RBPMS: variants seen among roughly 807,000 people sequenced by gnomAD.
RBPMS encodes the protein RNA-binding protein with multiple splicing.
RBPMS carries 7 observed loss-of-function variants against 26.8 expected under a neutral mutation model. The ratio of observed to expected loss-of-function variants is 0.26; its 90% CI spans 0.15 to 0.49. The LOEUF (loss-of-function observed/expected upper bound fraction) is 0.49. Ranked by LOEUF, RBPMS falls within the 20% of genes least tolerant of loss-of-function variation. The pLI is 0.98. For synonymous variants in RBPMS, 96 were observed against 93.3 expected (o/e 1.03, Z -0.17); for missense variants, 186 against 250.0 (o/e 0.74, Z 1.73).
At chr8:30,550,632 G>A (rs1014712612) in intron 6 of RBPMS, among the ~76,000 whole-genome samples, 1 of 152,160 alleles carries the variant, frequency 6.6e-6, no homozygotes, top group African/African-American at 2.4e-5. Flanking sequence ...ATGAATGACG[G>A]GAGTAAGATG....
intron 2 of RBPMS, among the ~76,000 whole-genome samples, chr8:30,476,250 T>C (rs2150833466): frequency 6.6e-6 from 1 of 152,268 alleles, no homozygotes; most frequent in South Asian, 2.1e-4. Flanking sequence ...ACATAAAAAT[T>C]GGCAGAGCCA....
In RBPMS at chr8:30,478,328, A is replaced by G. The variant is rs185308717; in HGVS notation, c.183+491A>G. 1.3e-3 allele frequency among the ~76,000 whole-genome samples: 203 copies of G among 152,086 alleles called. 2 individuals carry two copies. The highest frequency in any genetic ancestry group is 0.012 in the South Asian group (59 of 4,812). On this transcript the variant is annotated intron_variant, in intron 3 of 8. Coordinates refer to ENST00000397323, the MANE Select transcript of RBPMS (RefSeq NM_001008710.3). ...CTACAAGCTTAGAGATTGTAGCTAT[A>G]TACTTTTTTTTTTAAGCTAAACACT...
intron 1 of RBPMS, among the ~76,000 whole-genome samples, chr8:30,469,202 T>C (rs1323468718): frequency 6.6e-6 from 1 of 152,258 alleles, no homozygotes; most frequent in African/African-American, 2.4e-5. Context: ...AGATTAGATA[T>C]GCTCTTTATT....
Position 30,527,331 on chromosome 8 carries a change from C to T in RBPMS, c.398-17163C>T, listed in dbSNP as rs574930398. On this transcript the variant is annotated intron_variant, in intron 5 of 8. Transcript: ENST00000397323. ...CCTCTCGTCCCTAATCACACAGCTA[C>T]CCTGGGAAACCTTTTCTGGGGTCTC... 2.8e-4 allele frequency among the ~76,000 whole-genome samples: 43 copies of T among 152,272 alleles called. 1 individual carries two copies. In the South Asian group the frequency reaches 8.9e-3, roughly 32 times the overall value.
At chr8:30,503,040 T>A (rs200557723) in intron 4 of RBPMS, among the ~76,000 whole-genome samples, 1 of 152,104 alleles carries the variant, frequency 6.6e-6, no homozygotes, top group Non-Finnish European at 1.5e-5. Context: ...GTCATGCTCA[T>A]GAAGTTCCAC....
At chr8:30,545,072 C>T in intron 6 of RBPMS, 1 of 1,377,292 alleles carries the variant, frequency 7.3e-7, no homozygotes, top group Non-Finnish European at 9.5e-7. Flanking sequence ...TGAGAAGAAT[C>T]TCTGACCAAA....
At chr8:30,568,643 G>A (rs1445522583) in intron 8 of RBPMS, among the ~76,000 whole-genome samples, 4 of 152,132 alleles carry the variant, frequency 2.6e-5, no homozygotes, top group Non-Finnish European at 2.9e-5. Flanking sequence ...GGAAGGCCCC[G>A]CGAGGAGAAC....
intron 1 of RBPMS, among the ~76,000 whole-genome samples, chr8:30,412,145 C>T (rs778406827): frequency 1.6e-4 from 24 of 152,212 alleles, no homozygotes; most frequent in Non-Finnish European, 3.1e-4. Context: ...TCCTTACACA[C>T]CTTGCTATAA....
At position 30,462,709 on chromosome 8, in the gene RBPMS, G is replaced by A. The variant is rs9656777; in HGVS notation, c.67-12070G>A. On this transcript the variant is annotated intron_variant, in intron 1 of 8. Transcript: ENST00000397323. ...CCCAAAGTGCTGGGATCACAGACGT[G>A]AGCCACTGTGCCTGGCCTGATTTTT... 6.8e-3 allele frequency among the ~76,000 whole-genome samples: 1,038 copies of A among 152,200 alleles called. 17 individuals carry two copies. Among genetic ancestry groups the A allele is most frequent in the African/African-American group, 0.024 (1,001 of 41,504 alleles).
chr8:30,548,577 G>C (rs1826047647), intron 6 of RBPMS, among the ~76,000 whole-genome samples: 1 of 152,176 alleles, frequency 6.6e-6, no homozygotes, highest in Non-Finnish European at 1.5e-5. Flanking sequence ...ATAACAGACT[G>C]CCTGAGGACA....
At chr8:30,417,055 A>T (rs1235424121) in intron 1 of RBPMS, among the ~76,000 whole-genome samples, 1 of 152,040 alleles carries the variant, frequency 6.6e-6, no homozygotes, top group Non-Finnish European at 1.5e-5. Flanking sequence ...ACAGGTGTGA[A>T]CCACTGCTCC....
At chr8:30,516,929 CAT>C (rs1822385833) in intron 5 of RBPMS, among the ~76,000 whole-genome samples, 1 of 151,880 alleles carries the variant, frequency 6.6e-6, no homozygotes, top group Non-Finnish European at 1.5e-5. Flanking sequence ...CACAGACACA[CAT>C]GAGTTTTCCT....
intron 1 of RBPMS, chr8:30,447,061 A>G (rs1295431687): frequency 1.3e-5 from 2 of 152,064 alleles, no homozygotes; most frequent in South Asian, 2.1e-4. Context: ...TACCAAAGGA[A>G]TGTTCTCTTT....
intron 5 of RBPMS, among the ~76,000 whole-genome samples, chr8:30,522,455 C>T (rs1432047800): frequency 6.6e-6 from 1 of 152,020 alleles, no homozygotes. Context: ...CTGCAGTAAG[C>T]CATGATGGAG....
chr8:30,427,019 G>C (rs1189796284), intron 1 of RBPMS, among the ~76,000 whole-genome samples: 1 of 152,066 alleles, frequency 6.6e-6, no homozygotes, highest in Non-Finnish European at 1.5e-5. Flanking sequence ...CAAACTCCTG[G>C]AGCTCAAGCA....
chr8:30,511,569 TTG>T (rs1821709869), intron 5 of RBPMS, among the ~76,000 whole-genome samples: 1 of 145,560 alleles, frequency 6.9e-6, no homozygotes. Flanking sequence ...ATATATATAT[TTG>T]TGTATATATG....
At chr8:30,549,727 TTTC>T in intron 6 of RBPMS, 2 of 507,414 alleles carry the variant, frequency 3.9e-6, no homozygotes, top group East Asian at 3.8e-5. Context: ...CTGGAGGCGA[TTTC>T]TTTCTTTCTT....
chr8:30,439,935 T>C (rs1462632074), intron 1 of RBPMS, among the ~76,000 whole-genome samples: 1 of 152,132 alleles, frequency 6.6e-6, no homozygotes, highest in East Asian at 1.9e-4. Context: ...ATCCCAGCAC[T>C]TTGGGAGGCT....
At chr8:30,492,746 G>A (rs955481364) in intron 4 of RBPMS, among the ~76,000 whole-genome samples, 1 of 152,108 alleles carries the variant, frequency 6.6e-6, no homozygotes, top group South Asian at 2.1e-4. Context: ...TAACCAAAGG[G>A]GTGTGTATTT....
Sources: gnomAD v4.1 joint callset for allele counts (sites outside exome capture counted in the v4.1 genomes callset) on GRCh38, gnomAD v4.1.1 for gene constraint, MANE v1.5 for transcripts, NCBI Gene and HGNC (gene_info 2026-07-23, HGNC 2026-07-21) for gene names.